Variants in FBXO17 observed in about 807,000 individuals in gnomAD.
FBXO17 encodes F-box protein 17.
A neutral mutation model predicts 34.1 loss-of-function variants in FBXO17; 43 were observed. The observed-to-expected ratio is 1.26, with a 90% CI of 0.99 to 1.62. The LOEUF is 1.62. Ranked by LOEUF, FBXO17 falls within the 40% of genes most tolerant of loss-of-function variation. The probability of loss-of-function intolerance (pLI) is 0.00; values close to 1 mark genes in which losing one functional copy is unlikely to be tolerated. For missense variants in FBXO17, 424 were observed against 386.7 expected, an observed-to-expected ratio of 1.10 and a Z score of -0.81; for synonymous variants, 169 against 166.0, an observed-to-expected ratio of 1.02 and a Z score of -0.14.
intron 1 of FBXO17, among the ~76,000 whole-genome samples, chr19:38,951,925 A>G (rs995058580): frequency 2.0e-5 from 3 of 152,090 alleles, no homozygotes; most frequent in Admixed American, 6.5e-5. Flanking sequence ...CTGGGATTAT[A>G]GGCTTGAGCC....
intron 4 of FBXO17, 65 bp from the exon 5 acceptor site, chr19:38,945,169 G>C (rs576984229): frequency 1.0e-4 from 164 of 1,595,406 alleles, no homozygotes; most frequent in Admixed American, 4.7e-4. Context: ...TTCGGGGCGG[G>C]AGGCTGAGGG....
intron 1 of FBXO17, among the ~76,000 whole-genome samples, chr19:38,951,257 C>T (rs1975079959): frequency 6.6e-6 from 1 of 152,068 alleles, no homozygotes; most frequent in African/African-American, 2.4e-5. Context: ...CCTCTACCTC[C>T]TGGGCTCGAG....
At chr19:38,964,545 G>A (rs1975295097) in intron 1 of FBXO17, among the ~76,000 whole-genome samples, 1 of 152,104 alleles carries the variant, frequency 6.6e-6, no homozygotes, top group African/African-American at 2.4e-5. Flanking sequence ...GAGGCAGGGG[G>A]ATTGCTTGAG....
chr19:38,959,286 T>TC (rs894319185), intron 1 of FBXO17, among the ~76,000 whole-genome samples: 14 of 145,658 alleles, frequency 9.6e-5, no homozygotes, highest in Admixed American at 4.1e-4. Context: ...TTTCTTTCTT[T>TC]TTTTTTTTTT....
At chr19:38,949,730 TC>T (rs1975043014) in intron 2 of FBXO17, 4 of 581,606 alleles carry the variant, frequency 6.9e-6, no homozygotes, top group Non-Finnish European at 6.0e-6. Flanking sequence ...ACTTGCTTTC[TC>T]CCCCGGCCCA....
chr19:38,944,794 G>A, intron 5 of FBXO17, 175 bp downstream of exon 5: 1 of 850,920 alleles, frequency 1.2e-6, no homozygotes, highest in Admixed American at 2.8e-5. Flanking sequence ...CTAATGAAAT[G>A]AATCGATATG....
chr19:38,943,962 T>C (rs979937236), intron 5 of FBXO17, among the ~76,000 whole-genome samples: 3 of 152,162 alleles, frequency 2.0e-5, no homozygotes, highest in Non-Finnish European at 2.9e-5. Context: ...CCATCACCAC[T>C]ACCTAATTCC....
rs572293636 is a variant in FBXO17 at position 38,963,833 on chromosome 19, G to A, written c.-18+11753C>T. ...GAGTCTTGTTCTATCACCAAGGCTG[G>A]AGTGCAGTGGTGCAATCTCGGCTCA... is the stretch of plus-strand genomic sequence containing the variant. On this transcript the variant is annotated intron_variant, in intron 1 of 5. Transcript: ENST00000292852. Among the ~76,000 whole-genome samples, 110 of 151,850 alleles carry A rather than the reference G, an allele frequency of 7.2e-4. 2 individuals are homozygous for A. In the South Asian group the frequency reaches 0.022, roughly 30 times the overall value.
chr19:38,959,728 A>C (rs1975221065), intron 1 of FBXO17, among the ~76,000 whole-genome samples: 1 of 152,056 alleles, frequency 6.6e-6, no homozygotes, highest in African/African-American at 2.4e-5. Context: ...CCATCTCTAA[A>C]AAAGTAAACA....
At chr19:38,950,782 T>C (rs1283436171) in intron 1 of FBXO17, among the ~76,000 whole-genome samples, 2 of 152,162 alleles carry the variant, frequency 1.3e-5, no homozygotes, top group Admixed American at 1.3e-4. Flanking sequence ...TAAACAACTA[T>C]GTTTTGTCAA....
At chr19:38,948,186 G>A (rs1251441078) in intron 3 of FBXO17, among the ~76,000 whole-genome samples, 1 of 151,398 alleles carries the variant, frequency 6.6e-6, no homozygotes, top group Admixed American at 6.6e-5. Flanking sequence ...CTGTTGGCCA[G>A]GCTGGTCTCG....
chr19:38,969,132 A>G (rs1025735841), intron 1 of FBXO17, among the ~76,000 whole-genome samples: 9 of 152,144 alleles, frequency 5.9e-5, no homozygotes, highest in African/African-American at 9.7e-5. Flanking sequence ...CAGACTGTAG[A>G]TGTTTCCACC....
intron 4 of FBXO17, chr19:38,945,954 A>T: frequency 5.5e-6 from 1 of 181,882 alleles, no homozygotes; most frequent in South Asian, 1.1e-4. Context: ...TGATGACTTC[A>T]GGGAAGAGCC....
At chr19:38,946,593 AG>A in intron 3 of FBXO17, 26 bp from the exon 4 acceptor site, 2 of 1,608,260 alleles carry the variant, frequency 1.2e-6, no homozygotes, top group Non-Finnish European at 1.7e-6. Context: ...GGCAGGGGGC[AG>A]GGCAAACAGT....
chr19:38,960,075 T>G (rs530326690), intron 1 of FBXO17, among the ~76,000 whole-genome samples: 2 of 152,178 alleles, frequency 1.3e-5, no homozygotes, highest in Non-Finnish European at 2.9e-5. Context: ...GTTACTATTT[T>G]AAAATAGAAG....
chr19:38,971,838 T>C (rs549846308), intron 1 of FBXO17, among the ~76,000 whole-genome samples: 20 of 151,714 alleles, frequency 1.3e-4, no homozygotes, highest in Non-Finnish European at 2.2e-4. Context: ...AGCAGTTATG[T>C]TGACAGTGTT....
chr19:38,944,256 C>CATT lies in FBXO17; in HGVS notation c.693+710_693+712dup, dbSNP rs55839664. On this transcript the variant is annotated intron_variant, in intron 5 of 5. Coordinates refer to ENST00000292852, the MANE Select transcript of FBXO17 (RefSeq NM_024907.7). Reference sequence around the variant, plus strand: ...AAGCAGTGAGACTTCTGATCTGACTCATTATTATTATTATTATTATTATTA... The same window carrying CATT: ...AAGCAGTGAGACTTCTGATCTGACTCATTATTATTATTATTATTATTATTATTA... Among the ~76,000 whole-genome samples, 984 of 146,552 alleles carry CATT rather than the reference C, an allele frequency of 6.7e-3. 9 individuals are homozygous for CATT. The highest frequency in any genetic ancestry group is 0.019 in the African/African-American group (739 of 39,560).
chr19:38,971,368 C>A (rs1468486060), intron 1 of FBXO17, among the ~76,000 whole-genome samples: 1 of 152,122 alleles, frequency 6.6e-6, no homozygotes, highest in African/African-American at 2.4e-5. Flanking sequence ...GGGATAAGGA[C>A]AGACACGCTT....
rs74737523 is a variant in FBXO17, at chr19:38,957,759, A to G, written c.-17-7423T>C. 2.6e-4 allele frequency among the ~76,000 whole-genome samples: 40 copies of G among 152,296 alleles called. No homozygotes were observed. The East Asian group carries it at 6.8e-3, about 26-fold the overall frequency. On this transcript the variant is annotated intron_variant, in intron 1 of 5. Coordinates refer to ENST00000292852, the MANE Select transcript of FBXO17 (RefSeq NM_024907.7). The stretch of plus-strand genomic sequence containing the variant: ...ACTTCACCAAGGAGCAGAGATGTTC[A>G]AGAAATGTACTGAATGAGCCCTCAG...
Sources: gnomAD v4.1 joint callset for allele counts (sites outside exome capture counted in the v4.1 genomes callset) on GRCh38, gnomAD v4.1.1 for gene constraint, MANE v1.5 for transcripts, NCBI Gene and HGNC (gene_info 2026-07-23, HGNC 2026-07-21) for gene names.